TBC1D8: variants seen among roughly 807,000 people sequenced by gnomAD.
The protein encoded by TBC1D8 is TBC1 domain family member 8.
TBC1D8 carries 65 observed loss-of-function variants against 118.8 expected under a neutral mutation model. That is an observed-to-expected ratio of 0.55 (90% CI 0.45 to 0.67). The LOEUF (loss-of-function observed/expected upper bound fraction) is 0.67, where lower values mean the gene tolerates loss of function less well. Among genes scored for constraint, TBC1D8 ranks in the 30% least tolerant of loss-of-function variants. The pLI is 0.00. For synonymous variants in TBC1D8, 566 were observed against 595.8 expected, an observed-to-expected ratio of 0.95 and a Z score of 0.73; for missense variants, 1,376 against 1,471.2, an observed-to-expected ratio of 0.94 and a Z score of 1.06.
chr2:101,086,515 T>A lies in TBC1D8; in HGVS notation c.283+3694A>T, dbSNP rs113891431. Among the ~76,000 whole-genome samples, 1,443 of 152,192 alleles carry A rather than the reference T, an allele frequency of 9.5e-3. 27 individuals carry two copies. The highest frequency in any genetic ancestry group is 0.033 in the African/African-American group (1,361 of 41,516). On this transcript the variant is annotated intron_variant, in intron 2 of 19. Coordinates refer to ENST00000409318, the MANE Select transcript of TBC1D8 (RefSeq NM_001330348.2). ...ACAGATGCTAATCAAGTTACTAAAC[T>A]TCAATGATAAAGACAGAGTTGTGTG...
chr2:101,046,968 CA>C (rs371898597), intron 5 of TBC1D8, among the ~76,000 whole-genome samples: 1 of 151,874 alleles, frequency 6.6e-6, no homozygotes, highest in Non-Finnish European at 1.5e-5. Context: ...CTACCCTCCC[CA>C]AAAAAAACAG....
In TBC1D8 at chr2:101,027,401, C is replaced by T. The variant is rs1438142176; in HGVS notation, c.2502G>A (p.Glu834=). Reference sequence around the variant, plus strand: ...TGCGTACCTTGAATAAGTCGTAGAGCTCCTCTAGGTCTTCAGGAAGAATTG... The same window carrying T: ...TGCGTACCTTGAATAAGTCGTAGAGTTCCTCTAGGTCTTCAGGAAGAATTG... The part of the protein sequence containing the change: ...EVSILPEDLE[E]LYDLFKREHM... The change falls in exon 15 of 20, where the codon GAG becomes GAA. Residue 834 remains glutamate, a synonymous_variant. Coordinates refer to ENST00000409318, the MANE Select transcript of TBC1D8 (RefSeq NM_001330348.2). 1 of 1,613,318 alleles carries T rather than the reference C, an allele frequency of 6.2e-7. No individual in the cohort carries two copies. Among genetic ancestry groups the T allele is most frequent in the East Asian group, 2.2e-5 (1 of 44,862 alleles).
chr2:101,116,467 G>T (rs896913798), intron 1 of TBC1D8, among the ~76,000 whole-genome samples: 4 of 152,008 alleles, frequency 2.6e-5, no homozygotes, highest in African/African-American at 4.8e-5. Flanking sequence ...AAACAAGCAG[G>T]TGCAAAGTCC....
intron 1 of TBC1D8, among the ~76,000 whole-genome samples, chr2:101,132,560 C>A (rs1678642186): frequency 6.6e-6 from 1 of 152,172 alleles, no homozygotes; most frequent in Non-Finnish European, 1.5e-5. Context: ...AAATCCACAT[C>A]CCATCCCTGT....
At chr2:101,068,367 T>TC (rs780287695) in intron 2 of TBC1D8, 5 of 256,904 alleles carry the variant, frequency 1.9e-5, no homozygotes, top group Non-Finnish European at 3.7e-5. Flanking sequence ...TTCTTGGTAA[T>TC]ACCGGGTTGG....
At chr2:101,097,606 C>T (rs1676551994) in intron 1 of TBC1D8, among the ~76,000 whole-genome samples, 1 of 151,656 alleles carries the variant, frequency 6.6e-6, no homozygotes, top group Non-Finnish European at 1.5e-5. Flanking sequence ...TGGCACAAAC[C>T]TGTAATCCCA....
At chr2:101,117,479 C>T (rs916983804) in intron 1 of TBC1D8, among the ~76,000 whole-genome samples, 1 of 152,050 alleles carries the variant, frequency 6.6e-6, no homozygotes, top group Non-Finnish European at 1.5e-5. Flanking sequence ...TTCCCCTGAC[C>T]TGTCAATAAT....
chr2:101,098,959 A>G (rs2105466846), intron 1 of TBC1D8, among the ~76,000 whole-genome samples: 1 of 152,232 alleles, frequency 6.6e-6, no homozygotes. Flanking sequence ...AGAGCTAGAG[A>G]AGCAAGGGAA....
chr2:101,140,079 C>G (rs1171960621), intron 1 of TBC1D8, among the ~76,000 whole-genome samples: 1 of 152,068 alleles, frequency 6.6e-6, no homozygotes, highest in Non-Finnish European at 1.5e-5. Context: ...AGCATAAAAC[C>G]TCCCCCACAG....
intron 2 of TBC1D8, among the ~76,000 whole-genome samples, chr2:101,087,946 T>C (rs953906966): frequency 6.6e-6 from 1 of 152,224 alleles, no homozygotes. Context: ...TCTCTTCCCT[T>C]AACCTTACTT....
chr2:101,067,654 A>G (rs1253916932), intron 2 of TBC1D8, among the ~76,000 whole-genome samples: 1 of 152,212 alleles, frequency 6.6e-6, no homozygotes, highest in Admixed American at 6.5e-5. Context: ...GCAAGTCATA[A>G]TCTTTTTGCT....
intron 5 of TBC1D8, among the ~76,000 whole-genome samples, chr2:101,041,680 G>C (rs546700693): frequency 6.6e-6 from 1 of 151,980 alleles, no homozygotes; most frequent in South Asian, 2.1e-4. Flanking sequence ...ACTTTTAAAG[G>C]ATGGATAATA....
At chr2:101,122,946 C>T (rs1678194895) in intron 1 of TBC1D8, among the ~76,000 whole-genome samples, 1 of 152,084 alleles carries the variant, frequency 6.6e-6, no homozygotes, top group African/African-American at 2.4e-5. Context: ...TCAGGCCCCG[C>T]ATGTGGTACA....
chr2:101,030,663 G>A (rs1371112837), intron 11 of TBC1D8, among the ~76,000 whole-genome samples: 3 of 152,130 alleles, frequency 2.0e-5, no homozygotes, highest in African/African-American at 7.2e-5. Context: ...AAATACCCAA[G>A]AAAAATGACA....
At chr2:101,085,387 G>C (rs926921712) in intron 2 of TBC1D8, among the ~76,000 whole-genome samples, 1 of 151,878 alleles carries the variant, frequency 6.6e-6, no homozygotes, top group African/African-American at 2.4e-5. Flanking sequence ...GCCAACCTAG[G>C]GGGGAGAAAA....
intron 5 of TBC1D8, 73 bp downstream of exon 5, chr2:101,050,328 T>C: frequency 6.6e-7 from 1 of 1,525,902 alleles, no homozygotes; most frequent in Non-Finnish European, 8.8e-7. Context: ...CAAAAGCACT[T>C]GTACATAAGG....
At chr2:101,103,883 G>T (rs113033987) in intron 1 of TBC1D8, among the ~76,000 whole-genome samples, 2,372 of 151,910 alleles carry the variant, frequency 0.016, 44 homozygotes, top group African/African-American at 0.04. Flanking sequence ...TATATATATA[G>T]AGAGAGAGAG....
intron 1 of TBC1D8, among the ~76,000 whole-genome samples, chr2:101,148,582 G>T (rs1436870370): frequency 6.6e-6 from 1 of 152,104 alleles, no homozygotes; most frequent in East Asian, 1.9e-4. Flanking sequence ...TAATCCTCAA[G>T]GAAACAAAAG....
intron 14 of TBC1D8, 127 bp from the exon 15 acceptor site, chr2:101,027,578 G>A: frequency 1.3e-6 from 1 of 772,642 alleles, no homozygotes; most frequent in Non-Finnish European, 2.2e-6. Context: ...CTCCCACAAA[G>A]GCTCTTTTCT....
Sources: allele counts gnomAD v4.1 joint callset (sites outside exome capture counted in the v4.1 genomes callset), GRCh38; gene constraint gnomAD v4.1.1; transcripts MANE v1.5; gene names NCBI Gene and HGNC (gene_info 2026-07-23, HGNC 2026-07-21).